The following NEDD4 variants were observed in gnomAD, a reference collection of about 807,000 sequenced individuals.
The protein encoded by NEDD4 is NEDD4 E3 ubiquitin protein ligase, also known as E3 ubiquitin-protein ligase NEDD4.
In NEDD4, 99 loss-of-function variants were observed where a neutral mutation model predicts 144.9. The ratio of observed to expected loss-of-function variants is 0.68; its 90% CI spans 0.58 to 0.81. The LOEUF is 0.81. NEDD4 is among the 30% of genes least tolerant of loss of function. NEDD4 has a pLI of 0.00. For synonymous variants in NEDD4, 318 were observed against 350.6 expected (o/e 0.91, Z 1.04); for missense variants, 985 against 1,065.9 (o/e 0.92, Z 1.06).
chr15:55,829,944 G>A lies in NEDD4; in HGVS notation c.2656C>T (p.Leu886Phe). The A allele has an allele frequency of 6.2e-7, 1 of 1,613,724 alleles. No individual in the cohort carries two copies. ...YESFEELWDK[L>F]QMAIENTQGF... ...TGGGTGTTTTCAATTGCCATCTGAAGTTTATCCCATAATTCTTCAAATGAT... is the reference window on the plus strand; with the variant it reads ...TGGGTGTTTTCAATTGCCATCTGAAATTTATCCCATAATTCTTCAAATGAT... The change falls in exon 29 of 29, where the codon CTT (leucine) becomes TTT (phenylalanine). Residue 886 changes from leucine to phenylalanine, a missense_variant. Transcript: ENST00000435532.
intron 5 of NEDD4, chr15:55,916,694 A>C (rs2036459641): frequency 6.2e-7 from 1 of 1,614,046 alleles, no homozygotes; most frequent in African/African-American, 1.3e-5. Context: ...TCATTTGAAC[A>C]ACGTTAGACG....
intron 1 of NEDD4, among the ~76,000 whole-genome samples, chr15:55,990,034 A>T (rs2037963937): frequency 1.3e-5 from 2 of 151,688 alleles, no homozygotes; most frequent in Non-Finnish European, 2.9e-5. Context: ...CCTTATAAGA[A>T]TCTAATGCCT....
At chr15:55,907,125 C>A (rs1232912521) in intron 5 of NEDD4, among the ~76,000 whole-genome samples, 1 of 151,350 alleles carries the variant, frequency 6.6e-6, no homozygotes, top group East Asian at 1.9e-4. Context: ...AAAAAATAAA[C>A]AAAATTTTAA....
intron 5 of NEDD4, among the ~76,000 whole-genome samples, chr15:55,913,966 G>A (rs2036352804): frequency 6.6e-6 from 1 of 151,842 alleles, no homozygotes; most frequent in Admixed American, 6.6e-5. Flanking sequence ...AAGAAAAACA[G>A]TTGATTAGAT....
chr15:55,937,206 G>A (rs1356284790), intron 4 of NEDD4, among the ~76,000 whole-genome samples: 1 of 152,136 alleles, frequency 6.6e-6, no homozygotes, highest in Non-Finnish European at 1.5e-5. Flanking sequence ...ATATAAAACT[G>A]CCTTCAACTT....
rs1213075374 is a variant in NEDD4 at position 55,924,674 on chromosome 15, A to T, written c.263T>A (p.Leu88His). 3 of 1,610,280 alleles carry T rather than the reference A, an allele frequency of 1.9e-6. No individual in the cohort carries two copies. Among genetic ancestry groups the T allele is most frequent in the Non-Finnish European group, 2.5e-6 (3 of 1,178,294 alleles). ...FRVHPQQHRL[L>H]FEVFDENRLT... The stretch of plus-strand genomic sequence containing the variant: ...TCGGTTTTCGTCAAACACTTCAAAA[A>T]GAAGCCGGTGCTGCTGAGGATGAAC... Residue 88 changes from leucine (L) to histidine (H), a missense_variant, in exon 5 of 29, where the codon CTT (leucine) becomes CAT (histidine). Leu to His is a moderately conservative substitution (Grantham distance 99). Coordinates refer to ENST00000435532, the MANE Select transcript of NEDD4 (RefSeq NM_006154.4).
chr15:55,909,034 G>T (rs2036187993), intron 5 of NEDD4, among the ~76,000 whole-genome samples: 1 of 152,026 alleles, frequency 6.6e-6, no homozygotes, highest in Admixed American at 6.6e-5. Context: ...ATCTTGCTTG[G>T]GTAATGTATT....
intron 27 of NEDD4, 56 bp from the exon 28 acceptor site, chr15:55,830,642 A>G: frequency 1.4e-6 from 2 of 1,472,022 alleles, no homozygotes; most frequent in African/African-American, 1.4e-5. Context: ...CTCCAGGCAT[A>G]TCAAAACTTT....
At chr15:55,916,270 C>T in intron 5 of NEDD4, 1 of 1,614,012 alleles carries the variant, frequency 6.2e-7, no homozygotes, top group Non-Finnish European at 8.5e-7. Context: ...CTACTACTGT[C>T]ACTGATGACA....
chr15:55,981,361 G>A (rs1168288958), intron 1 of NEDD4, among the ~76,000 whole-genome samples: 1 of 136,980 alleles, frequency 7.3e-6, no homozygotes, highest in Non-Finnish European at 1.6e-5. Flanking sequence ...CACCACGCCC[G>A]GCCTCCTTTT....
intron 2 of NEDD4, among the ~76,000 whole-genome samples, chr15:55,953,721 C>A (rs185203488): frequency 2.4e-4 from 37 of 151,914 alleles, no homozygotes; most frequent in African/African-American, 8.5e-4. Context: ...GGATTACAGG[C>A]ATGAGCCAAC....
chr15:55,953,668 T>C (rs1463837349), intron 2 of NEDD4, among the ~76,000 whole-genome samples: 1 of 151,282 alleles, frequency 6.6e-6, no homozygotes, highest in Non-Finnish European at 1.5e-5. Flanking sequence ...TCTCAAACTC[T>C]TGACCTCAGG....
At chr15:55,977,503 C>G (rs965526060) in intron 1 of NEDD4, among the ~76,000 whole-genome samples, 1 of 148,678 alleles carries the variant, frequency 6.7e-6, no homozygotes, top group Non-Finnish European at 1.5e-5. Context: ...AAATATTCTA[C>G]TAATTCTAAA....
intron 4 of NEDD4, among the ~76,000 whole-genome samples, chr15:55,941,126 C>T (rs2036995322): frequency 6.6e-6 from 1 of 151,420 alleles, no homozygotes; most frequent in African/African-American, 2.4e-5. Context: ...CTCTCTGTCT[C>T]TCTCATATAA....
chr15:55,952,094 C>T (rs1344090918), intron 2 of NEDD4, among the ~76,000 whole-genome samples: 2 of 151,338 alleles, frequency 1.3e-5, no homozygotes, highest in Middle Eastern at 3.4e-3. Context: ...TTTGGGAGGC[C>T]GAGGCGGGCG....
chr15:55,945,169 A>G (rs1294756078), intron 4 of NEDD4, among the ~76,000 whole-genome samples: 1 of 152,168 alleles, frequency 6.6e-6, no homozygotes, highest in Non-Finnish European at 1.5e-5. Context: ...GACTTTGATG[A>G]GTTGACAGAA....
At chr15:55,872,038 G>A (rs2034818057) in intron 7 of NEDD4, among the ~76,000 whole-genome samples, 1 of 152,068 alleles carries the variant, frequency 6.6e-6, no homozygotes. Context: ...GCAAAATATA[G>A]TTAGGTTTTT....
At chr15:55,882,149 A>G (rs1314439198) in intron 5 of NEDD4, among the ~76,000 whole-genome samples, 1 of 152,218 alleles carries the variant, frequency 6.6e-6, no homozygotes, top group Non-Finnish European at 1.5e-5. Flanking sequence ...TCCACTGATC[A>G]TCCTACCTGC....
At chr15:55,865,480 T>C (rs1038086000) in intron 8 of NEDD4, among the ~76,000 whole-genome samples, 1 of 151,646 alleles carries the variant, frequency 6.6e-6, no homozygotes, top group Non-Finnish European at 1.5e-5. Flanking sequence ...CTTGAAGGCA[T>C]GAAAGAGAAG....
Sources: gnomAD v4.1 joint callset for allele counts (sites outside exome capture counted in the v4.1 genomes callset) on GRCh38, gnomAD v4.1.1 for gene constraint, MANE v1.5 for transcripts, NCBI Gene and HGNC (gene_info 2026-07-23, HGNC 2026-07-21) for gene names.